The following INPP4B variants were observed in gnomAD, a reference collection of about 807,000 sequenced individuals.
INPP4B encodes the protein inositol polyphosphate 4-phosphatase type II.
In INPP4B, 55 loss-of-function variants were observed where a neutral mutation model predicts 122.5. The observed-to-expected ratio is 0.45, with a 90% CI of 0.36 to 0.56. The LOEUF (loss-of-function observed/expected upper bound fraction) is 0.56, where lower values mean the gene tolerates loss of function less well. Among genes scored for constraint, INPP4B ranks in the 20% least tolerant of loss-of-function variants. The pLI, the probability that INPP4B is intolerant of heterozygous loss-of-function variation, is 0.00. For missense variants in INPP4B, 1,000 were observed against 1,097.7 expected (o/e 0.91, Z 1.26); for synonymous variants, 403 against 388.7 (o/e 1.04, Z -0.43).
chr4:142,706,609 T>A lies in INPP4B; in HGVS notation c.-191+19230A>T, dbSNP rs536458532. ...CCACTAATCCATTAAGCTGCAATCATCCTAGGCTAAGGCTAAACAAGCAAG... is the reference window on the plus strand; with the variant it reads ...CCACTAATCCATTAAGCTGCAATCAACCTAGGCTAAGGCTAAACAAGCAAG... On this transcript the variant is annotated intron_variant, in intron 2 of 25. Coordinates refer to ENST00000262992, the MANE Select transcript of INPP4B (RefSeq NM_001101669.3). Among the ~76,000 whole-genome samples, 156 of 152,324 alleles carry A rather than the reference T, an allele frequency of 1.0e-3. 3 individuals carry two copies. In the South Asian group the frequency reaches 0.032, roughly 31 times the overall value.
intron 2 of INPP4B, among the ~76,000 whole-genome samples, chr4:142,640,093 G>T (rs1269630627): frequency 6.6e-6 from 1 of 152,064 alleles, no homozygotes; most frequent in African/African-American, 2.4e-5. Flanking sequence ...AGGGCAACAG[G>T]TGTAAACTGT....
At chr4:142,294,859 C>T (rs75106485) in intron 9 of INPP4B, among the ~76,000 whole-genome samples, 6 of 46,634 alleles carry the variant, frequency 1.3e-4, no homozygotes, top group African/African-American at 3.1e-4. Context: ...AAAAAAAAGG[C>T]AGACTTACGC....
chr4:142,312,312 A>G (rs570528391), intron 8 of INPP4B, among the ~76,000 whole-genome samples: 2 of 152,286 alleles, frequency 1.3e-5, no homozygotes, highest in African/African-American at 4.8e-5. Flanking sequence ...GAGAGGAGAG[A>G]TCAGCATTTA....
intron 2 of INPP4B, among the ~76,000 whole-genome samples, chr4:142,559,912 T>C (rs536352044): frequency 6.6e-6 from 1 of 152,102 alleles, no homozygotes; most frequent in Admixed American, 6.5e-5. Flanking sequence ...CATGAAATAG[T>C]TTTTATACAC....
chr4:142,084,836 G>A (rs953020824), intron 24 of INPP4B, among the ~76,000 whole-genome samples: 1 of 152,148 alleles, frequency 6.6e-6, no homozygotes, highest in African/African-American at 2.4e-5. Context: ...ACTTCACAAT[G>A]TACATAATGA....
In INPP4B at chr4:142,530,044, C is replaced by T. The variant is rs72948736; in HGVS notation, c.-190-67318G>A. 6.7e-3 allele frequency among the ~76,000 whole-genome samples: 1,016 copies of T among 152,058 alleles called. 12 individuals are homozygous for T. Among genetic ancestry groups the T allele is most frequent in the African/African-American group, 0.024 (987 of 41,472 alleles). On this transcript the variant is annotated intron_variant, in intron 2 of 25. Coordinates refer to ENST00000262992, the MANE Select transcript of INPP4B (RefSeq NM_001101669.3). ...GCAGGAACATGCAATAAAGGAAAACCGTAAATGTTTAGTGAATAATACTAC... is the reference window on the plus strand; with the variant it reads ...GCAGGAACATGCAATAAAGGAAAACTGTAAATGTTTAGTGAATAATACTAC...
At chr4:142,555,113 A>T (rs1026365133) in intron 2 of INPP4B, among the ~76,000 whole-genome samples, 2 of 152,208 alleles carry the variant, frequency 1.3e-5, no homozygotes, top group Admixed American at 6.5e-5. Context: ...AGTAAAAGCC[A>T]TGAAGAATCC....
intron 12 of INPP4B, among the ~76,000 whole-genome samples, chr4:142,213,428 G>C (rs537779834): frequency 6.6e-6 from 1 of 152,164 alleles, no homozygotes; most frequent in African/African-American, 2.4e-5. Flanking sequence ...CCCTGCCTCT[G>C]TCACTAAGAT....
intron 2 of INPP4B, among the ~76,000 whole-genome samples, chr4:142,534,479 C>T (rs1197884470): frequency 6.6e-6 from 1 of 152,004 alleles, no homozygotes; most frequent in Non-Finnish European, 1.5e-5. Flanking sequence ...CACGGGCCAT[C>T]TTGGAAGCAG....
At chr4:142,717,122 A>G (rs375144536) in intron 2 of INPP4B, among the ~76,000 whole-genome samples, 32 of 152,292 alleles carry the variant, frequency 2.1e-4, no homozygotes, top group Middle Eastern at 6.8e-3. Context: ...GTTAAAATGT[A>G]TAGATTACCA....
chr4:142,198,921 T>A (rs900456913), intron 14 of INPP4B, among the ~76,000 whole-genome samples: 2 of 152,188 alleles, frequency 1.3e-5, no homozygotes, highest in East Asian at 3.9e-4. Context: ...TTTACCCTTG[T>A]AAATTTCGTA....
chr4:142,407,096 A>C (rs1803582003), intron 5 of INPP4B, among the ~76,000 whole-genome samples: 1 of 152,242 alleles, frequency 6.6e-6, no homozygotes, highest in Admixed American at 6.5e-5. Context: ...GAAGGAAAGA[A>C]AAAGCTAGAT....
chr4:142,217,158 CA>C (rs1370595206), intron 12 of INPP4B, among the ~76,000 whole-genome samples: 1 of 151,636 alleles, frequency 6.6e-6, no homozygotes, highest in Non-Finnish European at 1.5e-5. Flanking sequence ...AAAACAAAAA[CA>C]AAAAAAGAAG....
intron 1 of INPP4B, among the ~76,000 whole-genome samples, chr4:142,812,273 G>A (rs2151126515): frequency 6.6e-6 from 1 of 152,228 alleles, no homozygotes; most frequent in East Asian, 1.9e-4. Context: ...GAAAGAGTTT[G>A]AAGTTTCAGG....
At chr4:142,124,952 C>G (rs1489199983) in intron 18 of INPP4B, among the ~76,000 whole-genome samples, 192 bp from the exon 19 acceptor site, 1 of 152,048 alleles carries the variant, frequency 6.6e-6, no homozygotes, top group Non-Finnish European at 1.5e-5. Context: ...AAGCAGCCAC[C>G]CATCAGACCT....
At chr4:142,239,103 A>T (rs935617643) in intron 11 of INPP4B, among the ~76,000 whole-genome samples, 4 of 152,164 alleles carry the variant, frequency 2.6e-5, no homozygotes, top group Non-Finnish European at 2.9e-5. Context: ...TAAGAACAAC[A>T]TATTTCATTC....
At chr4:142,075,755 C>T (rs903873039) in intron 25 of INPP4B, among the ~76,000 whole-genome samples, 9 of 151,906 alleles carry the variant, frequency 5.9e-5, no homozygotes, top group Non-Finnish European at 2.9e-5. Context: ...TTTATCACAA[C>T]ACTCACAAGA....
chr4:142,104,283 C>T lies in INPP4B; in HGVS notation c.2374+3810G>A, dbSNP rs549464788. On this transcript the variant is annotated intron_variant, in intron 23 of 25. Coordinates refer to ENST00000262992, the MANE Select transcript of INPP4B (RefSeq NM_001101669.3). Reference sequence around the variant, plus strand: ...TGAGACGCAGTGGTGACTTTAAACACGGAGCAGTTTGTGTTAGTGATTTAC... The same window carrying T: ...TGAGACGCAGTGGTGACTTTAAACATGGAGCAGTTTGTGTTAGTGATTTAC... Among the ~76,000 whole-genome samples, 27 of 152,216 alleles carry T rather than the reference C, an allele frequency of 1.8e-4. No homozygotes were observed. The East Asian group carries it at 2.7e-3, about 15-fold the overall frequency.
chr4:142,080,741 C>G (rs1578833165), intron 25 of INPP4B, among the ~76,000 whole-genome samples: 1 of 152,082 alleles, frequency 6.6e-6, no homozygotes, highest in South Asian at 2.1e-4. Context: ...AGATTTGTTA[C>G]CTAAATCAGT....
Sources: allele counts gnomAD v4.1 joint callset (sites outside exome capture counted in the v4.1 genomes callset), GRCh38; gene constraint gnomAD v4.1.1; transcripts MANE v1.5; gene names NCBI Gene and HGNC (gene_info 2026-07-23, HGNC 2026-07-21).